DPP10: variants seen among roughly 807,000 people sequenced by gnomAD.
The protein encoded by DPP10 is dipeptidyl peptidase like 10, also known as inactive dipeptidyl peptidase 10.
Under a neutral mutation model 120.9 loss-of-function variants are expected in DPP10, and 33 were observed. The ratio of observed to expected loss-of-function variants is 0.27; its 90% confidence interval spans 0.21 to 0.37. The LOEUF is 0.37. Among genes scored for constraint, DPP10 ranks in the 10% least tolerant of loss-of-function variants. The pLI, the probability that DPP10 is intolerant of heterozygous loss-of-function variation, is 1.00. For synonymous variants in DPP10, 337 were observed against 326.1 expected (o/e 1.03, Z -0.36); for missense variants, 816 against 942.8 (o/e 0.87, Z 1.76).
At chr2:115,364,987 G>A (rs534625348) in intron 3 of DPP10, among the ~76,000 whole-genome samples, 3 of 152,168 alleles carry the variant, frequency 2.0e-5, no homozygotes, top group South Asian at 2.1e-4. Context: ...AAGAACCAAA[G>A]TGTTATGACT....
intron 1 of DPP10, among the ~76,000 whole-genome samples, chr2:114,947,297 T>C (rs1003553849): frequency 6.6e-6 from 1 of 151,446 alleles, no homozygotes; most frequent in African/African-American, 2.4e-5. Context: ...CAAATTTTAA[T>C]TTTTTTTTCT....
At chr2:114,676,618 A>G (rs986012084) in intron 1 of DPP10, among the ~76,000 whole-genome samples, 1 of 152,126 alleles carries the variant, frequency 6.6e-6, no homozygotes, top group Non-Finnish European at 1.5e-5. Flanking sequence ...AGATCGCTGT[A>G]TGTCAGATTC....
intron 1 of DPP10, among the ~76,000 whole-genome samples, chr2:114,819,331 C>G (rs957195599): frequency 5.3e-5 from 8 of 151,940 alleles, no homozygotes; most frequent in Non-Finnish European, 7.4e-5. Flanking sequence ...AGCTTTGAGA[C>G]CCCAAACAAG....
At chr2:114,466,966 C>T (rs978095142) in intron 1 of DPP10, among the ~76,000 whole-genome samples, 7 of 150,604 alleles carry the variant, frequency 4.6e-5, no homozygotes, top group South Asian at 2.1e-4. Flanking sequence ...TGCTTGAACC[C>T]GGAAGGCGGA....
chr2:115,622,209 C>T (rs560374710), intron 5 of DPP10, among the ~76,000 whole-genome samples: 7 of 152,100 alleles, frequency 4.6e-5, no homozygotes, highest in Admixed American at 1.3e-4. Flanking sequence ...CAGCCATAGA[C>T]AAGAACTCAT....
At chr2:114,914,378 A>C (rs1694617067) in intron 1 of DPP10, among the ~76,000 whole-genome samples, 1 of 152,244 alleles carries the variant, frequency 6.6e-6, no homozygotes, top group Non-Finnish European at 1.5e-5. Context: ...GAAACTTTAG[A>C]AACTAGAAGA....
intron 1 of DPP10, among the ~76,000 whole-genome samples, chr2:114,447,137 C>T (rs1170925641): frequency 6.6e-6 from 1 of 150,728 alleles, no homozygotes; most frequent in Non-Finnish European, 1.5e-5. Context: ...GCTGGGACTA[C>T]AGGCACCTGC....
chr2:115,393,308 C>T (rs1163575605), intron 3 of DPP10, among the ~76,000 whole-genome samples: 1 of 51,172 alleles, frequency 2.0e-5, no homozygotes, highest in African/African-American at 5.2e-5. Flanking sequence ...GGAAGACTGT[C>T]TCAAAAAAAA....
At chr2:114,516,315 T>G (rs1684590385) in intron 1 of DPP10, among the ~76,000 whole-genome samples, 1 of 152,218 alleles carries the variant, frequency 6.6e-6, no homozygotes, top group Non-Finnish European at 1.5e-5. Flanking sequence ...AATCTCCAAA[T>G]TTCAGTCAGA....
intron 1 of DPP10, among the ~76,000 whole-genome samples, chr2:115,093,866 A>G (rs946047482): frequency 6.6e-6 from 1 of 152,118 alleles, no homozygotes; most frequent in Non-Finnish European, 1.5e-5. Flanking sequence ...TTGTGTAGGC[A>G]CATGTGTGAA....
At chr2:115,538,597 G>C (rs2079002416) in intron 5 of DPP10, among the ~76,000 whole-genome samples, 2 of 151,948 alleles carry the variant, frequency 1.3e-5, no homozygotes. Flanking sequence ...GTGAATTTAA[G>C]CATGCATTTT....
chr2:115,266,855 T>C (rs2059485156), intron 1 of DPP10, among the ~76,000 whole-genome samples: 1 of 152,232 alleles, frequency 6.6e-6, no homozygotes, highest in African/African-American at 2.4e-5. Context: ...TTATACGGTA[T>C]TTTGCAGAGG....
At chr2:115,166,528 TA>T (rs1188667722) in intron 1 of DPP10, among the ~76,000 whole-genome samples, 1 of 141,656 alleles carries the variant, frequency 7.1e-6, no homozygotes, top group Middle Eastern at 3.9e-3. Context: ...AATATAAATA[TA>T]TATATAAATT....
intron 5 of DPP10, among the ~76,000 whole-genome samples, chr2:115,590,121 T>C (rs2082542614): frequency 6.7e-6 from 1 of 149,010 alleles, no homozygotes. Context: ...CTTTTCTTTT[T>C]TTTTTTTCCC....
chr2:115,258,387 G>T (rs1234229508), intron 1 of DPP10, among the ~76,000 whole-genome samples: 4 of 151,060 alleles, frequency 2.6e-5, no homozygotes, highest in Non-Finnish European at 4.4e-5. Flanking sequence ...GTTATTCAGA[G>T]AGTTTAAATA....
At chr2:115,591,335 G>T (rs1174760545) in intron 5 of DPP10, among the ~76,000 whole-genome samples, 2 of 152,084 alleles carry the variant, frequency 1.3e-5, no homozygotes, top group Non-Finnish European at 2.9e-5. Context: ...ATTTTTGTAA[G>T]GTGTAAGGGA....
chr2:115,303,179 T>C (rs1179405468), intron 1 of DPP10, among the ~76,000 whole-genome samples: 1 of 152,016 alleles, frequency 6.6e-6, no homozygotes, highest in African/African-American at 2.4e-5. Flanking sequence ...TTTTCAGACA[T>C]ACTATTCAGA....
rs768171580 is a variant in DPP10, at chr2:115,840,787, G to A, written c.2220G>A (p.Lys740=). 5 of 1,613,458 alleles carry A rather than the reference G, an allele frequency of 3.1e-6. No individual in the cohort carries two copies. The highest frequency in any genetic ancestry group is 1.7e-5 in the Admixed American group (1 of 59,956). The stretch of plus-strand genomic sequence containing the variant: ...TCCAACACTCAGCAGAATTAATCAA[G>A]CACCTAATAAAAGCTGGAGTGAATT... ...VHFQHSAELI[K]HLIKAGVNYT... is the part of the protein sequence containing the mutation. The change falls in exon 25 of 26, where the codon AAG becomes AAA. Residue 740 remains lysine (K), a synonymous_variant. Transcript: ENST00000410059.
At chr2:115,437,663 G>T (rs897855190) in intron 3 of DPP10, among the ~76,000 whole-genome samples, 5 of 152,012 alleles carry the variant, frequency 3.3e-5, no homozygotes, top group Non-Finnish European at 7.4e-5. Context: ...ATAATCCAAT[G>T]TCCCTTTACC....
Sources: gnomAD v4.1 joint callset for allele counts (sites outside exome capture counted in the v4.1 genomes callset) on GRCh38, gnomAD v4.1.1 for gene constraint, MANE v1.5 for transcripts, NCBI Gene and HGNC (gene_info 2026-07-23, HGNC 2026-07-21) for gene names.